Variants in MICAL3 observed in about 807,000 individuals in gnomAD.
The protein encoded by MICAL3 is microtubule associated monooxygenase, calponin and LIM domain containing 3, also known as [F-actin]-monooxygenase MICAL3.
A neutral mutation model predicts 207.4 loss-of-function variants in MICAL3; 62 were observed. That is an observed-to-expected ratio of 0.30 (90% CI 0.24 to 0.37). The LOEUF (loss-of-function observed/expected upper bound fraction) is 0.37. MICAL3 is among the 10% of genes least tolerant of loss of function. MICAL3 has a pLI of 1.00. For synonymous variants in MICAL3, 1,077 were observed against 1,069.3 expected, an observed-to-expected ratio of 1.01 and a Z score of -0.14; for missense variants, 2,368 against 2,635.6, an observed-to-expected ratio of 0.90 and a Z score of 2.22.
intron 1 of MICAL3, chr22:18,005,173 G>C (rs1458731607): frequency 6.6e-6 from 1 of 152,168 alleles, no homozygotes; most frequent in Non-Finnish European, 1.5e-5. Context: ...GACCTCAGGT[G>C]ATCCACCTGC....
intron 29 of MICAL3, among the ~76,000 whole-genome samples, chr22:17,795,899 C>T (rs1010292493): frequency 1.9e-3 from 14 of 7,232 alleles, no homozygotes; most frequent in African/African-American, 7.1e-3. Context: ...ATGCATGGGG[C>T]GGGGGTGGGG....
intron 3 of MICAL3, among the ~76,000 whole-genome samples, chr22:17,903,419 A>C (rs893549582): frequency 2.0e-5 from 3 of 152,222 alleles, no homozygotes; most frequent in Non-Finnish European, 4.4e-5. Flanking sequence ...AGAGATAAAG[A>C]TCTAGGCCCT....
At chr22:17,836,832 A>C (rs1054681586) in intron 20 of MICAL3, among the ~76,000 whole-genome samples, 1 of 152,080 alleles carries the variant, frequency 6.6e-6, no homozygotes, top group Non-Finnish European at 1.5e-5. Flanking sequence ...TTTTTAGTAG[A>C]GACGGGGTTT....
chr22:17,876,757 A>T (rs71328242), intron 16 of MICAL3: 2,934 of 64,876 alleles, frequency 0.045, 42 homozygotes, highest in African/African-American at 0.068. Context: ...AGGGAGGTTA[A>T]GGAGGTTAGG....
chr22:17,856,913 G>A (rs1011169629), intron 19 of MICAL3, among the ~76,000 whole-genome samples: 4 of 152,182 alleles, frequency 2.6e-5, no homozygotes, highest in East Asian at 3.9e-4. Flanking sequence ...GAGCCACCGC[G>A]CCCGGCCGAA....
rs1363364325 is a variant in MICAL3 at position 17,950,331 on chromosome 22, GT to G, written c.-74-43446del. Reference sequence around the variant, plus strand: ...CGCCTGCCACCACATCTGGCGTTTTGTTTTTGTTTTTTTTTTTTTTTTTTTT... The same window carrying G: ...CGCCTGCCACCACATCTGGCGTTTTGTTTTGTTTTTTTTTTTTTTTTTTTT... On this transcript the variant is annotated intron_variant, in intron 1 of 31. Coordinates refer to ENST00000441493, the MANE Select transcript of MICAL3 (RefSeq NM_015241.3). 6.2e-3 allele frequency among the ~76,000 whole-genome samples: 608 copies of G among 97,500 alleles called. 5 individuals carry two copies. The highest frequency in any genetic ancestry group is 0.024 in the African/African-American group (567 of 23,876). The allele number at this position is 97,500 out of a possible 152,430, so 64.0% of individuals were successfully genotyped here.
intron 1 of MICAL3, among the ~76,000 whole-genome samples, chr22:18,016,043 A>G (rs1194862158): frequency 6.6e-6 from 1 of 152,228 alleles, no homozygotes; most frequent in Non-Finnish European, 1.5e-5. Context: ...TCTGGTAATT[A>G]TATGGCTTTT....
At chr22:17,952,348 C>T (rs905964149) in intron 1 of MICAL3, among the ~76,000 whole-genome samples, 7 of 152,190 alleles carry the variant, frequency 4.6e-5, no homozygotes, top group Non-Finnish European at 1.0e-4. Flanking sequence ...TGAGAAACCT[C>T]CAAGGAAATC....
intron 19 of MICAL3, chr22:17,862,748 G>A (rs2146133483): frequency 1.0e-6 from 1 of 985,466 alleles, no homozygotes; most frequent in East Asian, 1.1e-4. Context: ...CTCACCGGGA[G>A]GCAAGGTGCC....
At chr22:17,979,077 G>A (rs1179092780) in intron 1 of MICAL3, among the ~76,000 whole-genome samples, 2 of 152,078 alleles carry the variant, frequency 1.3e-5, no homozygotes, top group Admixed American at 6.5e-5. Context: ...GGGAGGCTGA[G>A]GCAGGAGGAT....
intron 1 of MICAL3, among the ~76,000 whole-genome samples, chr22:17,930,599 G>C (rs1052825181): frequency 6.6e-6 from 1 of 152,218 alleles, no homozygotes; most frequent in Non-Finnish European, 1.5e-5. Flanking sequence ...CAAGAACAAA[G>C]TTTATGTCTA....
At chr22:17,992,447 G>A (rs1921787162) in intron 1 of MICAL3, among the ~76,000 whole-genome samples, 1 of 152,202 alleles carries the variant, frequency 6.6e-6, no homozygotes, top group African/African-American at 2.4e-5. Context: ...GTTAAATCCA[G>A]GTTACTGCAC....
chr22:17,881,131 G>T, intron 16 of MICAL3: 1 of 1,216,666 alleles, frequency 8.2e-7, no homozygotes, highest in East Asian at 2.3e-5. Context: ...AAGTGACTTG[G>T]TCTCTACACT....
intron 29 of MICAL3, among the ~76,000 whole-genome samples, chr22:17,805,853 C>T (rs1265117878): frequency 6.6e-6 from 1 of 152,154 alleles, no homozygotes; most frequent in South Asian, 2.1e-4. Flanking sequence ...CTCAGCCTCC[C>T]GAGTAGCTGG....
intron 19 of MICAL3, among the ~76,000 whole-genome samples, chr22:17,852,782 G>C (rs1256599259): frequency 6.6e-6 from 1 of 152,084 alleles, no homozygotes; most frequent in Non-Finnish European, 1.5e-5. Context: ...TGAAAATTTA[G>C]CTTAATGAAG....
intron 29 of MICAL3, among the ~76,000 whole-genome samples, chr22:17,798,481 C>A (rs1172451585): frequency 6.6e-6 from 1 of 152,166 alleles, no homozygotes; most frequent in Non-Finnish European, 1.5e-5. Context: ...TATTCTCAGG[C>A]ATATTTTGAG....
chr22:17,969,697 C>A (rs964846596), intron 1 of MICAL3, among the ~76,000 whole-genome samples: 4 of 152,206 alleles, frequency 2.6e-5, no homozygotes, highest in African/African-American at 9.7e-5. Context: ...GAGGTATTCG[C>A]TTTTTCCTAA....
intron 1 of MICAL3, among the ~76,000 whole-genome samples, chr22:17,936,950 C>T (rs1933561593): frequency 6.6e-6 from 1 of 152,150 alleles, no homozygotes; most frequent in Non-Finnish European, 1.5e-5. Context: ...TCTGCAAGAG[C>T]ACAGTGATGA....
At chr22:17,891,800 A>C (rs965842194) in intron 11 of MICAL3, among the ~76,000 whole-genome samples, 168 bp from the exon 12 acceptor site, 3 of 152,212 alleles carry the variant, frequency 2.0e-5, no homozygotes, top group African/African-American at 7.2e-5. Flanking sequence ...AGGTTATGCA[A>C]ATGGTATCAT....
Sources: allele counts gnomAD v4.1 joint callset (sites outside exome capture counted in the v4.1 genomes callset), GRCh38; gene constraint gnomAD v4.1.1; transcripts MANE v1.5; gene names NCBI Gene and HGNC (gene_info 2026-07-23, HGNC 2026-07-21).